The following CPXM1 variants were observed in gnomAD, a reference collection of about 807,000 sequenced individuals.
CPXM1 encodes probable carboxypeptidase X1.
A neutral mutation model predicts 80.4 loss-of-function variants in CPXM1; 72 were observed. The ratio of observed to expected loss-of-function variants is 0.90; its 90% CI spans 0.74 to 1.09. CPXM1 has a LOEUF of 1.09. CPXM1 is among the 50% of genes least tolerant of loss of function. The pLI, the probability that CPXM1 is intolerant of heterozygous loss-of-function variation, is 0.00. For synonymous variants in CPXM1, 403 were observed against 405.6 expected (o/e 0.99, Z 0.08); for missense variants, 892 against 999.4 (o/e 0.89, Z 1.45).
chr20:2,800,453 C>T lies in CPXM1; in HGVS notation c.120G>A (p.Ser40=). The T allele has an allele frequency of 6.7e-7, 1 of 1,499,900 alleles. No individual in the cohort carries two copies. Among genetic ancestry groups the T allele is most frequent in the Non-Finnish European group, 8.8e-7 (1 of 1,131,940 alleles). 92.9% of individuals were successfully genotyped at this position (1,499,900 alleles called of 1,614,324 possible). Residue 40 remains serine, a synonymous_variant, in exon 1 of 14, where the codon TCG becomes TCA. Transcript: ENST00000380605. ...AQPGTTKVPG[S]TPALHSSPAQ... is the part of the protein sequence containing the mutation. The stretch of plus-strand genomic sequence containing the variant: ...CCGGGCTGCTATGCAGGGCCGGGGT[C>T]GAGCCTGGGACCTTGGTGGTCCCGG...
In CPXM1 at chr20:2,794,585, C is replaced by T; in HGVS notation, c.1915G>A (p.Ala639Thr). The T allele has an allele frequency of 1.2e-6, 2 of 1,613,760 alleles. No individual in the cohort carries two copies. The highest frequency in any genetic ancestry group is 1.7e-6 in the Non-Finnish European group (2 of 1,180,026). The change falls in exon 13 of 14, where the codon GCT (alanine) becomes ACT (threonine). Residue 639 changes from alanine (A) to threonine (T), a missense_variant. Around this residue, in one of 2 missense-constraint regions of CPXM1, gnomAD observed 874 missense variants for 958.4 expected, o/e 0.91. Coordinates refer to ENST00000380605, the MANE Select transcript of CPXM1 (RefSeq NM_019609.5). The surrounding 1 kb of genome is among the most constrained non-coding windows in gnomAD (Gnocchi z 5.2). ...VRDKDTELGI[A>T]DAVIAVDGIN... ...CCATCCACGGCAATGACAGCGTCAG[C>T]AATCCCAAGCTCCGTGTCCTTGTCC...
At position 2,795,860 on chromosome 20, in the gene CPXM1, T is replaced by G; in HGVS notation, c.1459A>C (p.Lys487Gln). 6.2e-7 allele frequency: 1 copy of G among 1,612,268 alleles called. No individual in the cohort carries two copies. Among genetic ancestry groups the G allele is most frequent in the Non-Finnish European group, 8.5e-7 (1 of 1,179,598 alleles). Residue 487 changes from lysine to glutamine, a missense_variant, in exon 11 of 14, where the codon AAG becomes CAG. Coordinates refer to ENST00000380605, the MANE Select transcript of CPXM1 (RefSeq NM_019609.5). This position sits in a 1 kb window ranked among gnomAD's most constrained non-coding sequence, Gnocchi z 5.4. ...GCACTTAGCACAAAGGGGATCCGCT[T>G]CATCCACTTGATTACTGCCCGCGTT... The part of the protein sequence containing the change: ...PETRAVIKWM[K>Q]RIPFVLSANL...
chr20:2,794,284 G>C lies in CPXM1; in HGVS notation c.2111C>G (p.Pro704Arg). The C allele has an allele frequency of 6.2e-7, 1 of 1,614,114 alleles. No homozygotes were observed. The highest frequency in any genetic ancestry group is 8.5e-7 in the Non-Finnish European group (1 of 1,180,042). Residue 704 changes from proline to arginine, a missense_variant, in exon 14 of 14, where the codon CCC becomes CGC. By Grantham distance (103) the Pro-to-Arg change is moderately radical. Transcript: ENST00000380605. This position sits in a 1 kb window ranked among gnomAD's most constrained non-coding sequence, Gnocchi z 5.2. The stretch of plus-strand genomic sequence containing the variant: ...CAGCAGCTCGCGCAGCCTCTGTTTG[G>C]GAGTCTTGGTGAGCACGAAATTGCA... The part of the protein sequence containing the change: ...FPCNFVLTKT[P>R]KQRLRELLAA...
At chr20:2,799,173 G>A (rs1374785091) in intron 1 of CPXM1, among the ~76,000 whole-genome samples, 1 of 152,158 alleles carries the variant, frequency 6.6e-6, no homozygotes, top group Admixed American at 6.5e-5. Context: ...TCTAGAAACT[G>A]TTCGGTTGCT....
chr20:2,800,282 A>T, intron 1 of CPXM1, 119 bp downstream of exon 1: 1 of 922,540 alleles, frequency 1.1e-6, no homozygotes, highest in Non-Finnish European at 1.5e-6. Context: ...GTGAGTGTGC[A>T]TGACTGTGAG....
At position 2,797,061 on chromosome 20, in the gene CPXM1, G is replaced by A. The variant is rs148800823; in HGVS notation, c.866C>T (p.Ser289Leu). Residue 289 changes from serine to leucine, a missense_variant, in exon 7 of 14, where the codon TCG becomes TTG. Transcript: ENST00000380605. ...PNDLFLEAPA[S>L]GSSDPLDFQH... ...AAAGTCTAGAGGGTCAGAGGATCCCGACGCAGGGGCCTCAAGGAATAGGTC... is the reference window on the plus strand; with the variant it reads ...AAAGTCTAGAGGGTCAGAGGATCCCAACGCAGGGGCCTCAAGGAATAGGTC... 1.9e-5 allele frequency: 30 copies of A among 1,614,060 alleles called. No individual in the cohort carries two copies. The highest frequency in any genetic ancestry group is 2.7e-5 in the African/African-American group (2 of 75,016).
In CPXM1 at chr20:2,796,730, T is replaced by C; in HGVS notation, c.922-80A>G. 6.4e-7 allele frequency: 1 copy of C among 1,569,166 alleles called. No individual in the cohort carries two copies. The highest frequency in any genetic ancestry group is 1.3e-5 in the African/African-American group (1 of 74,158). ...AGATCACATGTGCCATGGAAAGACT[T>C]AAAAAGTCAGCGATGGCCCACACAG... is the stretch of plus-strand genomic sequence containing the variant. On this transcript the variant is annotated intron_variant, in intron 7 of 13. Coordinates refer to ENST00000380605, the MANE Select transcript of CPXM1 (RefSeq NM_019609.5). The surrounding 1 kb of genome is among the most constrained non-coding windows in gnomAD (Gnocchi z 6.8).
chr20:2,799,176 C>T (rs112618762), intron 1 of CPXM1, among the ~76,000 whole-genome samples: 14 of 152,300 alleles, frequency 9.2e-5, no homozygotes, highest in African/African-American at 3.4e-4. Flanking sequence ...AGAAACTGTT[C>T]GGTTGCTCCA....
In CPXM1 at chr20:2,795,625, C is replaced by A; in HGVS notation, c.1694G>T (p.Gly565Val). The change falls in exon 11 of 14, where the codon GGG becomes GTG. Residue 565 changes from glycine (G) to valine (V), a missense_variant. Gly to Val is a moderately radical substitution (Grantham distance 109, BLOSUM62 -3). Transcript: ENST00000380605. The surrounding 1 kb of genome is among the most constrained non-coding windows in gnomAD (Gnocchi z 5.4). ...DFSVHGNIIN[G>V]ADWHTVPGSM... is the part of the protein sequence containing the mutation. Reference sequence around the variant, plus strand: ...CCCGGGGACCGTGTGCCAGTCAGCCCCGTTGATGATGTTGCCGTGCACGGA... The same window carrying A: ...CCCGGGGACCGTGTGCCAGTCAGCCACGTTGATGATGTTGCCGTGCACGGA... 6.2e-7 allele frequency: 1 copy of A among 1,613,918 alleles called. No homozygotes were observed. Among genetic ancestry groups the A allele is most frequent in the Non-Finnish European group, 8.5e-7 (1 of 1,179,854 alleles).
intron 1 of CPXM1, 100 bp downstream of exon 1, chr20:2,800,273 TGAGTGTGCATGACTGTGAGTGTGCGTGG>T: frequency 1.2e-6 from 1 of 801,168 alleles, no homozygotes; most frequent in Non-Finnish European, 1.8e-6. Flanking sequence ...GCGTGCGGGG[TGAGTGTGCATGACTGTGAGTGTGCGTGG>T]GTGTGCGTGT....
At chr20:2,799,661 C>T (rs920244959) in intron 1 of CPXM1, among the ~76,000 whole-genome samples, 2 of 152,158 alleles carry the variant, frequency 1.3e-5, no homozygotes, top group African/African-American at 4.8e-5. Context: ...CCCTTCAAGA[C>T]CCTCCTCCAC....
At position 2,796,690 on chromosome 20, in the gene CPXM1, G is replaced by A. The variant is rs1449120889; in HGVS notation, c.922-40C>T. ...GTAGCGTGGCATGAGGCATGGGAGG[G>A]GTACACCCAGGGGCAGATCACATGT... On this transcript the variant is annotated intron_variant, in intron 7 of 13. Transcript: ENST00000380605. The surrounding 1 kb of genome is among the most constrained non-coding windows in gnomAD (Gnocchi z 6.8). The A allele has an allele frequency of 1.1e-5, 17 of 1,610,224 alleles. No individual in the cohort carries two copies. The highest frequency in any genetic ancestry group is 1.4e-5 in the Non-Finnish European group (17 of 1,177,898).
rs866838432 is a variant in CPXM1, at chr20:2,796,938, T to C, written c.921+68A>G. The C allele has an allele frequency of 3.3e-5, 47 of 1,434,306 alleles. 2 individuals carry two copies. In the Middle Eastern group the frequency reaches 7.5e-3, roughly 229 times the overall value. The allele number at this position is 1,434,306 out of a possible 1,614,324, so 88.8% of individuals were successfully genotyped here. On this transcript the variant is annotated intron_variant, in intron 7 of 13. Transcript: ENST00000380605. The surrounding 1 kb of genome is among the most constrained non-coding windows in gnomAD (Gnocchi z 6.8). Reference sequence around the variant, plus strand: ...GCAGTCACAGCAGGTTGTGCCCCGGTGGGAAGGTGGGAAGGGGACCTGAGA... The same window carrying C: ...GCAGTCACAGCAGGTTGTGCCCCGGCGGGAAGGTGGGAAGGGGACCTGAGA...
In CPXM1 at chr20:2,796,259, G is replaced by A. The variant is rs564339698; in HGVS notation, c.1230C>T (p.Ile410=). The A allele has an allele frequency of 3.7e-6, 6 of 1,613,598 alleles. No individual in the cohort carries two copies. The Admixed American group carries it at 5.0e-5, about 13-fold the overall frequency. The change falls in exon 9 of 14, where the codon ATC becomes ATT. Residue 410 remains isoleucine (I), a synonymous_variant. Coordinates refer to ENST00000380605, the MANE Select transcript of CPXM1 (RefSeq NM_019609.5). This position sits in a 1 kb window ranked among gnomAD's most constrained non-coding sequence, Gnocchi z 6.8. Reference sequence around the variant, plus strand: ...CTGGGTGGCCTACCCGGTGGTAGGCGATCTCATAGCCATCAGGGTTCATGG... The same window carrying A: ...CTGGGTGGCCTACCCGGTGGTAGGCAATCTCATAGCCATCAGGGTTCATGG... ...LPSMNPDGYE[I]AYHRGSELVG...
Position 2,795,072 on chromosome 20 carries a change from C to A in CPXM1, c.1860+205G>T, listed in dbSNP as rs545205474. On this transcript the variant is annotated intron_variant, in intron 12 of 13. Coordinates refer to ENST00000380605, the MANE Select transcript of CPXM1 (RefSeq NM_019609.5). The surrounding 1 kb of genome is among the most constrained non-coding windows in gnomAD (Gnocchi z 5.4). ...AGACTGCAATGGAGGCTCCTCCCAC[C>A]GGCTCTAACACGATGCCACGCTGCC... Among the ~76,000 whole-genome samples, 2 of 152,156 alleles carry A rather than the reference C, an allele frequency of 1.3e-5. No homozygotes were observed. The highest frequency in any genetic ancestry group is 4.8e-5 in the African/African-American group (2 of 41,440).
In CPXM1 at chr20:2,795,648, G is replaced by A. The variant is rs200029209; in HGVS notation, c.1671C>T (p.Ser557=). The A allele has an allele frequency of 2.3e-5, 37 of 1,614,012 alleles. No homozygotes were observed. The highest frequency in any genetic ancestry group is 3.3e-5 in the Admixed American group (2 of 60,012). ...CCCCGTTGATGATGTTGCCGTGCAC[G>A]GAGAAGTCCTGGCTGTGGCAGGGTC... ...SRRPCHSQDF[S]VHGNIINGAD... is the part of the protein sequence containing the mutation. Residue 557 remains serine, a synonymous_variant, in exon 11 of 14, where the codon TCC becomes TCT. Transcript: ENST00000380605. This position sits in a 1 kb window ranked among gnomAD's most constrained non-coding sequence, Gnocchi z 5.4.
chr20:2,795,497 A>G lies in CPXM1; in HGVS notation c.1721-81T>C. 6.3e-7 allele frequency: 1 copy of G among 1,583,164 alleles called. No individual in the cohort carries two copies. The highest frequency in any genetic ancestry group is 1.1e-5 in the South Asian group (1 of 87,468). On this transcript the variant is annotated intron_variant, in intron 11 of 13. Transcript: ENST00000380605. This position sits in a 1 kb window ranked among gnomAD's most constrained non-coding sequence, Gnocchi z 5.4. ...CGCTACCCTCCCTTCTCTGAGGGACACTTCAGAGTGGGAACAGACGCCAGC... is the reference window on the plus strand; with the variant it reads ...CGCTACCCTCCCTTCTCTGAGGGACGCTTCAGAGTGGGAACAGACGCCAGC...
At chr20:2,797,942 G>A in intron 5 of CPXM1, 26 bp downstream of exon 5, 1 of 1,604,558 alleles carries the variant, frequency 6.2e-7, no homozygotes, top group East Asian at 2.2e-5. Context: ...CAGCATGGAG[G>A]CCCCAGCCAC....
rs907135416 is a variant in CPXM1 at position 2,800,617 on chromosome 20, G to T, written c.-45C>A. On this transcript the variant is annotated 5_prime_UTR_variant, in exon 1 of 14. Coordinates refer to ENST00000380605, the MANE Select transcript of CPXM1 (RefSeq NM_019609.5). ...GGGCGCGCGGGCTACGGCGGGTGGC[G>T]GGTCGGTCTCTTCCTGCCGAGTGCG... 2 of 1,306,858 alleles carry T rather than the reference G, an allele frequency of 1.5e-6. No individual in the cohort carries two copies. Among genetic ancestry groups the T allele is most frequent in the African/African-American group, 3.1e-5 (2 of 64,420 alleles). 81.0% of individuals were successfully genotyped at this position (1,306,858 alleles called of 1,614,324 possible).
Sources: allele counts gnomAD v4.1 joint callset (sites outside exome capture counted in the v4.1 genomes callset), GRCh38; gene constraint gnomAD v4.1.1; regional missense constraint gnomAD v4.1.1; non-coding constraint Gnocchi (gnomAD v3.1); transcripts MANE v1.5; gene names NCBI Gene and HGNC (gene_info 2026-07-23, HGNC 2026-07-21).